CD8B2: variants seen among roughly 807,000 people sequenced by gnomAD.
The protein encoded by CD8B2 is CD8B family member 2.
A neutral mutation model predicts 23.7 loss-of-function variants in CD8B2; 11 were observed. The observed-to-expected ratio is 0.46, with a 90% CI of 0.29 to 0.77. The LOEUF (loss-of-function observed/expected upper bound fraction) is 0.77, where lower values mean the gene tolerates loss of function less well. CD8B2 is among the 30% of genes least tolerant of loss of function. The pLI is 0.09. For synonymous variants in CD8B2, 90 were observed against 109.3 expected (o/e 0.82, Z 1.10); for missense variants, 197 against 270.5 (o/e 0.73, Z 1.91).
intron 4 of CD8B2, among the ~76,000 whole-genome samples, chr2:106,503,691 T>C (rs189552757): frequency 0.041 from 3,637 of 88,176 alleles, 62 homozygotes; most frequent in South Asian, 0.062. Context: ...TGCCCGTACT[T>C]GAGAGGCTGA....
chr2:106,514,915 T>C (rs1679704468), downstream of CD8B2, among the ~76,000 whole-genome samples: 1 of 152,250 alleles, frequency 6.6e-6, no homozygotes, highest in South Asian at 2.1e-4. Context: ...TGCATACAAA[T>C]GTCACTGAGT....
chr2:106,510,577 A>T lies in CD8B2; in HGVS notation c.*3637A>T, dbSNP rs1055203175. The stretch of plus-strand genomic sequence containing the variant: ...GACCTCGACTCTACAAAAAATTTTT[A>T]AATTTTTTTCTGGGCATGGTGGTGC... On this transcript the variant is annotated 3_prime_UTR_variant, in exon 6 of 6. Coordinates refer to ENST00000643224, the MANE Select transcript of CD8B2 (RefSeq NM_001349727.2). The T allele has an allele frequency of 2.0e-4, 30 of 152,074 alleles. No individual in the cohort carries two copies. Among genetic ancestry groups the T allele is most frequent in the African/African-American group, 6.5e-4 (27 of 41,404 alleles). 9.4% of individuals were successfully genotyped at this position (152,074 alleles called of 1,614,324 possible). A position where few individuals can be genotyped will look rare whatever the true frequency, so the allele number is the denominator to read the frequency against.
chr2:106,519,685 G>T (rs7604648), intron 5 of CD8B2, among the ~76,000 whole-genome samples: 150,172 of 152,360 alleles, frequency 0.99, 74,041 homozygotes, highest in East Asian at 1. Context: ...TGTAACACAG[G>T]GGTGTCCAAT....
At chr2:106,527,539 C>G (rs1206919935) in intron 5 of CD8B2, among the ~76,000 whole-genome samples, 1 of 152,248 alleles carries the variant, frequency 6.6e-6, no homozygotes, top group East Asian at 1.9e-4. Context: ...AATCCTAGCA[C>G]TTCGGGAGAC....
exon 6 of CD8B2, chr2:106,544,060 C>G (rs1379801422): frequency 5.0e-6 from 2 of 398,620 alleles, no homozygotes; most frequent in Non-Finnish European, 8.8e-6. Flanking sequence ...ACTGCCTGAT[C>G]CGCTTTGGTC....
At chr2:106,516,215 T>G (rs1399418624) in intron 5 of CD8B2, among the ~76,000 whole-genome samples, 3 of 152,140 alleles carry the variant, frequency 2.0e-5, no homozygotes, top group Non-Finnish European at 4.4e-5. Flanking sequence ...CTTCTGTCTG[T>G]GCATTCCTTT....
chr2:106,541,215 C>G (rs922343451), intron 5 of CD8B2, among the ~76,000 whole-genome samples: 2 of 152,176 alleles, frequency 1.3e-5, no homozygotes, highest in African/African-American at 4.8e-5. Context: ...CTCCCACTAA[C>G]TCTAGATCCC....
chr2:106,528,039 C>G (rs1301407359), intron 5 of CD8B2, among the ~76,000 whole-genome samples: 2 of 152,306 alleles, frequency 1.3e-5, no homozygotes, highest in Middle Eastern at 3.4e-3. Flanking sequence ...TGGGTACAAG[C>G]TATAATTCAG....
chr2:106,498,949 G>A (rs1186439725), intron 3 of CD8B2, among the ~76,000 whole-genome samples: 1 of 152,068 alleles, frequency 6.6e-6, no homozygotes, highest in Non-Finnish European at 1.5e-5. Context: ...CTCAGGAGCA[G>A]AGTGCAGATC....
intron 5 of CD8B2, among the ~76,000 whole-genome samples, chr2:106,522,927 C>A (rs1015136587): frequency 6.6e-6 from 1 of 152,132 alleles, no homozygotes; most frequent in African/African-American, 2.4e-5. Context: ...GCACAAACTG[C>A]ACTGCACCCA....
chr2:106,490,636 C>T (rs548125200), intron 1 of CD8B2, among the ~76,000 whole-genome samples: 7 of 152,260 alleles, frequency 4.6e-5, no homozygotes, highest in African/African-American at 1.7e-4. Context: ...GCTCTCTCCC[C>T]TGTACCTTTG....
chr2:106,544,018 A>G (rs1008781864), exon 6 of CD8B2: 1 of 398,636 alleles, frequency 2.5e-6, no homozygotes, highest in African/African-American at 2.1e-5. Context: ...CTGTTTTCAC[A>G]TTTCCCCATG....
At chr2:106,503,424 C>T (rs1679451531) in intron 4 of CD8B2, among the ~76,000 whole-genome samples, 1 of 152,142 alleles carries the variant, frequency 6.6e-6, no homozygotes, top group Non-Finnish European at 1.5e-5. Context: ...TTGTTCCCCA[C>T]AGAGGGGCCC....
At chr2:106,530,758 A>G (rs1679980806) in intron 5 of CD8B2, among the ~76,000 whole-genome samples, 1 of 152,172 alleles carries the variant, frequency 6.6e-6, no homozygotes, top group Non-Finnish European at 1.5e-5. Flanking sequence ...CACAGGTCAT[A>G]AAGACCTTGC....
chr2:106,512,925 G>C (rs934753076), downstream of CD8B2, among the ~76,000 whole-genome samples: 16 of 152,150 alleles, frequency 1.1e-4, no homozygotes, highest in African/African-American at 3.6e-4. Context: ...GCCCAGGGCC[G>C]AGGCCTGTAG....
intron 5 of CD8B2, among the ~76,000 whole-genome samples, chr2:106,528,283 A>G (rs571476703): frequency 6.6e-6 from 1 of 152,302 alleles, no homozygotes; most frequent in South Asian, 2.1e-4. Context: ...TGATTTTAGT[A>G]TCATATTGAA....
At chr2:106,535,858 A>G (rs1680079092) in intron 5 of CD8B2, among the ~76,000 whole-genome samples, 1 of 152,132 alleles carries the variant, frequency 6.6e-6, no homozygotes, top group Admixed American at 6.5e-5. Flanking sequence ...AAGAAAAAAG[A>G]GGGTTAATGG....
At chr2:106,536,031 T>A (rs1339691202) in intron 5 of CD8B2, among the ~76,000 whole-genome samples, 5 of 75,586 alleles carry the variant, frequency 6.6e-5, no homozygotes, top group Admixed American at 1.4e-4. Context: ...CCACACACAC[T>A]TTTTTTTTTT....
intron 5 of CD8B2, among the ~76,000 whole-genome samples, chr2:106,523,754 CCTT>C (rs1180728228): frequency 6.6e-6 from 1 of 152,160 alleles, no homozygotes; most frequent in Non-Finnish European, 1.5e-5. Flanking sequence ...AGTCTCAAAT[CCTT>C]CTGCCTGAGT....
Sources: gnomAD v4.1 joint callset for allele counts (sites outside exome capture counted in the v4.1 genomes callset) on GRCh38, gnomAD v4.1.1 for gene constraint, MANE v1.5 for transcripts, NCBI Gene and HGNC (gene_info 2026-07-23, HGNC 2026-07-21) for gene names.